The following GMDS variants were observed in gnomAD, a reference collection of about 807,000 sequenced individuals.
GMDS encodes GDP-mannose 4,6-dehydratase, also known as GDP-mannose 4,6 dehydratase.
In GMDS, 20 loss-of-function variants were observed where a neutral mutation model predicts 49.9. That is an observed-to-expected ratio of 0.40 (90% CI 0.28 to 0.58). GMDS has a LOEUF of 0.58. GMDS is among the 20% of genes least tolerant of loss of function. The pLI, the probability that GMDS is intolerant of heterozygous loss-of-function variation, is 0.42. For synonymous variants in GMDS, 177 were observed against 178.6 expected (o/e 0.99, Z 0.07); for missense variants, 362 against 481.4 (o/e 0.75, Z 2.32).
At chr6:1,962,289 C>A (rs1027052430) in intron 4 of GMDS, among the ~76,000 whole-genome samples, 3 of 152,208 alleles carry the variant, frequency 2.0e-5, no homozygotes, top group African/African-American at 7.2e-5. Flanking sequence ...CTGACCCCAA[C>A]AGCCCTGTCA....
At position 2,183,620 on chromosome 6, in the gene GMDS, T is replaced by C. The variant is rs74893510; in HGVS notation, c.103-58889A>G. Among the ~76,000 whole-genome samples, 649 of 152,324 alleles carry C rather than the reference T, an allele frequency of 4.3e-3. 7 individuals carry two copies. Among genetic ancestry groups the C allele is most frequent in the African/African-American group, 0.015 (615 of 41,570 alleles). ...TTAGCAGCAGCAGGGTTTGAGAAGA[T>C]TGATTCCCTTTTTTAAAGAAGTTCT... On this transcript the variant is annotated intron_variant, in intron 1 of 10. Transcript: ENST00000380815.
chr6:2,180,167 T>G (rs75412494), intron 1 of GMDS, among the ~76,000 whole-genome samples: 1 of 152,186 alleles, frequency 6.6e-6, no homozygotes, highest in East Asian at 1.9e-4. Context: ...ACCATAGGCA[T>G]AGACACCAGA....
chr6:1,809,184 A>C (rs1366963493), intron 7 of GMDS, among the ~76,000 whole-genome samples: 1 of 152,218 alleles, frequency 6.6e-6, no homozygotes, highest in Admixed American at 6.5e-5. Flanking sequence ...TCACTACTCA[A>C]AGTTGATGAC....
At chr6:1,739,043 T>G (rs1356404266) in intron 8 of GMDS, among the ~76,000 whole-genome samples, 8 of 152,346 alleles carry the variant, frequency 5.3e-5, no homozygotes, top group Middle Eastern at 6.8e-3. Context: ...CAGAGCACCG[T>G]CAGCTGTTGA....
chr6:2,084,295 A>G (rs529313462), intron 4 of GMDS, among the ~76,000 whole-genome samples: 1 of 152,202 alleles, frequency 6.6e-6, no homozygotes, highest in Non-Finnish European at 1.5e-5. Flanking sequence ...AAAATCATAT[A>G]AACTTTAAAA....
At chr6:1,745,495 G>A (rs1440058143) in intron 7 of GMDS, among the ~76,000 whole-genome samples, 2 of 151,980 alleles carry the variant, frequency 1.3e-5, no homozygotes, top group African/African-American at 4.8e-5. Context: ...AAACTTGACT[G>A]TTGGCTACTG....
At chr6:2,117,281 C>T (rs566609669) in intron 3 of GMDS, among the ~76,000 whole-genome samples, 188 bp downstream of exon 3, 86 of 152,222 alleles carry the variant, frequency 5.6e-4, no homozygotes, top group African/African-American at 1.9e-3. Flanking sequence ...CATGACACTA[C>T]GGCCTAGGGC....
At chr6:2,115,593 G>A (rs1015427233) in intron 4 of GMDS, among the ~76,000 whole-genome samples, 178 bp downstream of exon 4, 3 of 152,122 alleles carry the variant, frequency 2.0e-5, no homozygotes, top group Non-Finnish European at 4.4e-5. Flanking sequence ...TAACAGACAA[G>A]AGACTTTTAA....
chr6:2,005,063 T>C (rs1767073166), intron 4 of GMDS, among the ~76,000 whole-genome samples: 1 of 152,160 alleles, frequency 6.6e-6, no homozygotes. Context: ...TAAGGGTGCT[T>C]ATAAACAAAG....
At chr6:1,928,627 T>A (rs1197106426) in intron 7 of GMDS, among the ~76,000 whole-genome samples, 1 of 152,132 alleles carries the variant, frequency 6.6e-6, no homozygotes, top group African/African-American at 2.4e-5. Context: ...AATCTAAGGA[T>A]TAATGTCATA....
chr6:2,222,050 G>T (rs183560134), intron 1 of GMDS, among the ~76,000 whole-genome samples: 8 of 152,168 alleles, frequency 5.3e-5, no homozygotes, highest in African/African-American at 1.7e-4. Context: ...ATAATGAAAA[G>T]CAACAATGTT....
At chr6:1,928,195 T>G (rs1208304941) in intron 7 of GMDS, among the ~76,000 whole-genome samples, 1 of 152,012 alleles carries the variant, frequency 6.6e-6, no homozygotes, top group Non-Finnish European at 1.5e-5. Flanking sequence ...TGAAACCCCG[T>G]CTCTACTAAA....
intron 7 of GMDS, among the ~76,000 whole-genome samples, chr6:1,785,491 G>A (rs226443): frequency 0.13 from 20,343 of 152,128 alleles, 1,434 homozygotes; most frequent in East Asian, 0.2. Flanking sequence ...TGGAAAGGCC[G>A]TTCACTCCTA....
At chr6:2,008,333 T>C (rs1279363310) in intron 4 of GMDS, among the ~76,000 whole-genome samples, 1 of 152,214 alleles carries the variant, frequency 6.6e-6, no homozygotes, top group African/African-American at 2.4e-5. Context: ...ACAAAATATA[T>C]GGCTTTGATT....
chr6:2,078,997 T>C (rs1260143791), intron 4 of GMDS, among the ~76,000 whole-genome samples: 1 of 150,584 alleles, frequency 6.6e-6, no homozygotes, highest in Non-Finnish European at 1.5e-5. Context: ...TTGATTCCTT[T>C]GTCATTGCAT....
At chr6:1,659,577 GCA>G (rs1414218686) in intron 9 of GMDS, among the ~76,000 whole-genome samples, 1 of 152,172 alleles carries the variant, frequency 6.6e-6, no homozygotes, top group Non-Finnish European at 1.5e-5. Flanking sequence ...GAAAAGGTTG[GCA>G]GCTGGGTGAT....
At chr6:1,890,432 T>C (rs2113839190) in intron 7 of GMDS, among the ~76,000 whole-genome samples, 1 of 152,312 alleles carries the variant, frequency 6.6e-6, no homozygotes, top group Middle Eastern at 3.4e-3. Context: ...GCTGTCTTCT[T>C]ATTCTTGAGT....
chr6:1,997,819 C>T lies in GMDS; in HGVS notation c.346-36853G>A, dbSNP rs114596929. 4.2e-3 allele frequency among the ~76,000 whole-genome samples: 640 copies of T among 152,196 alleles called. 1 individual carries two copies. The highest frequency in any genetic ancestry group is 7.7e-3 in the Non-Finnish European group (523 of 68,016). On this transcript the variant is annotated intron_variant, in intron 4 of 10. Coordinates refer to ENST00000380815, the MANE Select transcript of GMDS (RefSeq NM_001500.4). The stretch of plus-strand genomic sequence containing the variant: ...AACTACCCACATTGATCAGTTTATA[C>T]CTCTCTATAAAAACAAGCAGGCTAT...
chr6:1,727,888 G>C (rs1425556668), intron 8 of GMDS, among the ~76,000 whole-genome samples: 1 of 152,218 alleles, frequency 6.6e-6, no homozygotes, highest in Non-Finnish European at 1.5e-5. Context: ...ATATACAGCT[G>C]TACAACTGGT....
Sources: allele counts gnomAD v4.1 joint callset (sites outside exome capture counted in the v4.1 genomes callset), GRCh38; gene constraint gnomAD v4.1.1; transcripts MANE v1.5; gene names NCBI Gene and HGNC (gene_info 2026-07-23, HGNC 2026-07-21).